Variants in MYO9B observed in about 807,000 individuals in gnomAD.
MYO9B encodes the protein myosin IXB.
In MYO9B, 71 loss-of-function variants were observed where a neutral mutation model predicts 229.5. That is an observed-to-expected ratio of 0.31 (90% CI 0.26 to 0.38). MYO9B has a LOEUF of 0.38. Ranked by LOEUF, MYO9B falls within the 10% of genes least tolerant of loss-of-function variation. The probability of loss-of-function intolerance (pLI) is 1.00; values close to 1 mark genes in which losing one functional copy is unlikely to be tolerated. For missense variants in MYO9B, 2,255 were observed against 2,920.5 expected (o/e 0.77, Z 5.25); for synonymous variants, 1,185 against 1,235.8 (o/e 0.96, Z 0.86).
At chr19:17,082,686 G>C (rs1009290267) in intron 1 of MYO9B, among the ~76,000 whole-genome samples, 1 of 152,158 alleles carries the variant, frequency 6.6e-6, no homozygotes, top group Admixed American at 6.6e-5. Context: ...GTCTTGTCAC[G>C]TGGAGATGCT....
intron 13 of MYO9B, among the ~76,000 whole-genome samples, chr19:17,174,370 GCTCA>G (rs1402465132): frequency 6.6e-6 from 1 of 152,144 alleles, no homozygotes; most frequent in East Asian, 1.9e-4. Context: ...AGGTGCAGTG[GCTCA>G]AGCCTGAAAT....
At chr19:17,133,911 C>T (rs1415631620) in intron 2 of MYO9B, among the ~76,000 whole-genome samples, 1 of 152,150 alleles carries the variant, frequency 6.6e-6, no homozygotes, top group Admixed American at 6.6e-5. Context: ...TAGGCACCCG[C>T]CACCACGCCC....
chr19:17,164,119 CA>C (rs1337070318), intron 10 of MYO9B, among the ~76,000 whole-genome samples: 1 of 152,126 alleles, frequency 6.6e-6, no homozygotes, highest in African/African-American at 2.4e-5. Context: ...ACACCCAGCC[CA>C]AAGGGAAAAT....
chr19:17,210,703 T>A lies in MYO9B; in HGVS notation c.5797-12T>A, dbSNP rs1468502114. The stretch of plus-strand genomic sequence containing the variant: ...AGAGATGTCAGTGGGACCCCTTGCT[T>A]CTTTGTTTCAGAACAAGAGCCCCAA... On this transcript the variant is annotated splice_polypyrimidine_tract_variant and intron_variant, in intron 37 of 39. Transcript: ENST00000682292. 6.5e-7 allele frequency: 1 copy of A among 1,530,172 alleles called. No individual in the cohort carries two copies. The highest frequency in any genetic ancestry group is 8.8e-7 in the Non-Finnish European group (1 of 1,137,392). 94.8% of individuals were successfully genotyped at this position (1,530,172 alleles called of 1,614,324 possible).
intron 10 of MYO9B, among the ~76,000 whole-genome samples, chr19:17,164,912 A>T (rs187896938): frequency 6.6e-6 from 1 of 152,288 alleles, no homozygotes; most frequent in Non-Finnish European, 1.5e-5. Flanking sequence ...ACATGAGAAA[A>T]AAGAACATAC....
intron 2 of MYO9B, among the ~76,000 whole-genome samples, chr19:17,131,031 G>C (rs2072189815): frequency 1.3e-5 from 2 of 152,042 alleles, no homozygotes; most frequent in South Asian, 4.1e-4. Flanking sequence ...GGTACTATCT[G>C]ATCACCCTGG....
chr19:17,209,572 G>C lies in MYO9B; in HGVS notation c.5625-14G>C. On this transcript the variant is annotated splice_polypyrimidine_tract_variant and intron_variant, in intron 35 of 39. Coordinates refer to ENST00000682292, the MANE Select transcript of MYO9B (RefSeq NM_004145.4). ...GGTAACTGAGTCACTTCCTCCCGTG[G>C]GCCTTCTCTGTAGGTGCGTGGAGAT... The C allele has an allele frequency of 6.3e-7, 1 of 1,578,426 alleles. No individual in the cohort carries two copies. The highest frequency in any genetic ancestry group is 8.6e-7 in the Non-Finnish European group (1 of 1,162,438).
chr19:17,082,079 AAAG>A (rs2057538729), intron 1 of MYO9B, among the ~76,000 whole-genome samples: 1 of 152,196 alleles, frequency 6.6e-6, no homozygotes, highest in Non-Finnish European at 1.5e-5. Flanking sequence ...TGATTGAACA[AAAG>A]AAGTTTCTGG....
chr19:17,086,650 C>T (rs1055627674), intron 1 of MYO9B, among the ~76,000 whole-genome samples: 6 of 152,122 alleles, frequency 3.9e-5, no homozygotes, highest in African/African-American at 1.2e-4. Context: ...GAAGCTGAGG[C>T]GGGCAGATCG....
chr19:17,091,239 T>TG (rs2057634885), intron 1 of MYO9B, among the ~76,000 whole-genome samples: 1 of 152,140 alleles, frequency 6.6e-6, no homozygotes. Context: ...TTTGTTTGTT[T>TG]TTTTGATACA....
chr19:17,179,041 A>C (rs992235296), intron 14 of MYO9B, among the ~76,000 whole-genome samples: 2 of 151,558 alleles, frequency 1.3e-5, no homozygotes, highest in Non-Finnish European at 2.9e-5. Flanking sequence ...AAAAAAAAAA[A>C]AAAAAAACTA....
intron 2 of MYO9B, among the ~76,000 whole-genome samples, chr19:17,125,794 A>G (rs1239773379): frequency 6.6e-6 from 1 of 152,114 alleles, no homozygotes; most frequent in Non-Finnish European, 1.5e-5. Context: ...GGGTGCCCCA[A>G]ACCCCTTGAG....
At chr19:17,162,016 G>T (rs1429698111) in intron 8 of MYO9B, among the ~76,000 whole-genome samples, 1 of 150,630 alleles carries the variant, frequency 6.6e-6, no homozygotes, top group Non-Finnish European at 1.5e-5. Flanking sequence ...AGTACAAAGG[G>T]CCATCTTGGC....
intron 3 of MYO9B, among the ~76,000 whole-genome samples, chr19:17,147,040 G>A (rs1354664824): frequency 6.6e-6 from 1 of 152,174 alleles, no homozygotes; most frequent in African/African-American, 2.4e-5. Context: ...TGGGTGAGTG[G>A]CCCTTGACAA....
intron 2 of MYO9B, among the ~76,000 whole-genome samples, chr19:17,123,020 G>A (rs1289090672): frequency 1.3e-5 from 2 of 152,160 alleles, no homozygotes; most frequent in Non-Finnish European, 2.9e-5. Flanking sequence ...CCAGGAATTG[G>A]AGGCTGAAGT....
chr19:17,129,131 G>T (rs553475125), intron 2 of MYO9B, among the ~76,000 whole-genome samples: 1 of 152,102 alleles, frequency 6.6e-6, no homozygotes, highest in African/African-American at 2.4e-5. Context: ...GGGCATGGTG[G>T]CTCACACCTG....
chr19:17,204,426 C>T (rs1275242648), intron 30 of MYO9B, among the ~76,000 whole-genome samples: 1 of 151,034 alleles, frequency 6.6e-6, no homozygotes, highest in Non-Finnish European at 1.5e-5. Context: ...CCCACAAACA[C>T]CTGCTCATGG....
At chr19:17,204,342 C>T (rs2073138048) in intron 30 of MYO9B, among the ~76,000 whole-genome samples, 1 of 149,270 alleles carries the variant, frequency 6.7e-6, no homozygotes, top group Admixed American at 6.6e-5. Flanking sequence ...AAGGCCACCT[C>T]CTGGCAGGAC....
At chr19:17,203,112 C>A in intron 29 of MYO9B, 35 bp from the exon 30 acceptor site, 1 of 1,529,380 alleles carries the variant, frequency 6.5e-7, no homozygotes, top group South Asian at 1.2e-5. Flanking sequence ...CTGCCTTCCC[C>A]TTTCCCTGCC....
Sources: gnomAD v4.1 joint callset for allele counts (sites outside exome capture counted in the v4.1 genomes callset) on GRCh38, gnomAD v4.1.1 for gene constraint, MANE v1.5 for transcripts, NCBI Gene and HGNC (gene_info 2026-07-23, HGNC 2026-07-21) for gene names.